Variants in FAAH2 observed in about 807,000 individuals in gnomAD.
FAAH2 encodes the protein fatty-acid amide hydrolase 2.
FAAH2 carries 60 observed loss-of-function variants against 36.9 expected under a neutral mutation model. The observed-to-expected ratio is 1.63, with a 90% confidence interval of 1.32 to 2.02. FAAH2 has a LOEUF of 2.02. Ranked by LOEUF, FAAH2 falls within the 30% of genes most tolerant of loss-of-function variation. The probability of loss-of-function intolerance (pLI) is 0.00; values close to 1 mark genes in which losing one functional copy is unlikely to be tolerated. For synonymous variants in FAAH2, 214 were observed against 143.8 expected, an observed-to-expected ratio of 1.49 and a Z score of -3.49; for missense variants, 689 against 397.5, an observed-to-expected ratio of 1.73 and a Z score of -6.23.
intron 10 of FAAH2, among the ~76,000 whole-genome samples, chrX:57,475,570 G>C (rs1213965483): frequency 9.0e-6 from 1 of 111,591 alleles, no homozygotes; most frequent in Non-Finnish European, 1.9e-5. Context: ...TTTGATACCA[G>C]TGCCATGCTG....
the FAAH2 span, among the ~76,000 whole-genome samples, chrX:57,238,823 G>A: frequency 1.8e-3 from 204 of 110,460 alleles, 5 homozygotes; most frequent in South Asian, 0.071. Context: ...GTAAACTATG[G>A]TGTCTATTGT....
the FAAH2 span, among the ~76,000 whole-genome samples, chrX:57,161,450 G>A: frequency 1.1e-4 from 12 of 111,003 alleles, no homozygotes; most frequent in South Asian, 3.9e-4. Flanking sequence ...GTCTAATGTC[G>A]ACAGTGGGGT....
At chrX:57,453,948 C>G (rs2056827116) in intron 10 of FAAH2, among the ~76,000 whole-genome samples, 1 of 111,535 alleles carries the variant, frequency 9.0e-6, no homozygotes, top group African/African-American at 3.3e-5. Flanking sequence ...TAAATGTGGT[C>G]CCTGCCTGAG....
chrX:57,360,293 G>T (rs2054257544), intron 5 of FAAH2, among the ~76,000 whole-genome samples: 1 of 110,373 alleles, frequency 9.1e-6, no homozygotes, highest in African/African-American at 3.3e-5. Context: ...TTTTTTATGG[G>T]TATTTCATAT....
chrX:57,279,245 A>G, the FAAH2 span, among the ~76,000 whole-genome samples: 3 of 112,863 alleles, frequency 2.7e-5, no homozygotes, highest in African/African-American at 6.4e-5. Context: ...AATGTGGCAC[A>G]TATACACCAT....
chrX:57,330,235 T>C (rs934704303), intron 3 of FAAH2, among the ~76,000 whole-genome samples: 1 of 111,875 alleles, frequency 8.9e-6, no homozygotes, highest in African/African-American at 3.3e-5. Context: ...ATTCTGTTTC[T>C]CAGCAAGGAA....
intron 5 of FAAH2, among the ~76,000 whole-genome samples, chrX:57,352,080 GTGTATATATATGCACATA>G (rs2054028460): frequency 1.7e-3 from 9 of 5,299 alleles, no homozygotes; most frequent in African/African-American, 4.3e-4. Context: ...ATATATATAT[GTGTATATATATGCACATA>G]TATATATATG....
At chrX:57,473,087 G>A (rs186970531) in intron 10 of FAAH2, among the ~76,000 whole-genome samples, 1 of 110,507 alleles carries the variant, frequency 9.0e-6, no homozygotes, top group Admixed American at 9.7e-5. Flanking sequence ...GATTTGGTTT[G>A]TTCATGTTTT....
At chrX:57,245,617 T>A in the FAAH2 span, among the ~76,000 whole-genome samples, 1 of 112,340 alleles carries the variant, frequency 8.9e-6, no homozygotes, top group African/African-American at 3.2e-5. Context: ...AACCTGCTTC[T>A]GAATGACTAC....
At chrX:57,159,904 C>T in the FAAH2 span, among the ~76,000 whole-genome samples, 7 of 111,679 alleles carry the variant, frequency 6.3e-5, no homozygotes, top group African/African-American at 2.0e-4. Flanking sequence ...GAGGGCATCC[C>T]TGTCTTGTTC....
the FAAH2 span, among the ~76,000 whole-genome samples, chrX:57,273,020 C>T: frequency 9.0e-6 from 1 of 111,622 alleles, no homozygotes; most frequent in Non-Finnish European, 1.9e-5. Flanking sequence ...GAAGATCTAC[C>T]TCATGTGCAA....
chrX:57,179,791 T>G, the FAAH2 span, among the ~76,000 whole-genome samples: 1 of 111,596 alleles, frequency 9.0e-6, no homozygotes, highest in Non-Finnish European at 1.9e-5. Flanking sequence ...TACAAAATTC[T>G]CCACCCAAAA....
intron 7 of FAAH2, among the ~76,000 whole-genome samples, chrX:57,381,390 C>T (rs1398440952): frequency 9.0e-6 from 1 of 111,435 alleles, no homozygotes; most frequent in Non-Finnish European, 1.9e-5. Flanking sequence ...TTAGCCTGAG[C>T]TTTATTTTAA....
At chrX:57,178,908 C>T in the FAAH2 span, among the ~76,000 whole-genome samples, 1 of 111,944 alleles carries the variant, frequency 8.9e-6, no homozygotes, top group Non-Finnish European at 1.9e-5. Flanking sequence ...TCAAGCCACA[C>T]TTCTCACAAG....
the FAAH2 span, among the ~76,000 whole-genome samples, chrX:57,276,320 A>G: frequency 1.1e-4 from 12 of 112,319 alleles, no homozygotes; most frequent in African/African-American, 3.6e-4. Flanking sequence ...CTCCTGAATG[A>G]CTACTGAGTA....
chrX:57,237,465 A>AT, the FAAH2 span, among the ~76,000 whole-genome samples: 1 of 111,305 alleles, frequency 9.0e-6, no homozygotes, highest in Admixed American at 9.6e-5. Context: ...TTTATACTAT[A>AT]TATACTATGC....
chrX:57,257,427 G>A, the FAAH2 span, among the ~76,000 whole-genome samples: 1 of 110,912 alleles, frequency 9.0e-6, no homozygotes, highest in African/African-American at 3.3e-5. Flanking sequence ...ATCATTCTCA[G>A]CAAACTATCA....
chrX:57,217,427 A>G, the FAAH2 span, among the ~76,000 whole-genome samples: 60 of 111,701 alleles, frequency 5.4e-4, 1 homozygote, highest in Admixed American at 2.8e-4. Flanking sequence ...CTTAGGTTTA[A>G]GTCTTTAATC....
At chrX:57,215,901 G>A in the FAAH2 span, among the ~76,000 whole-genome samples, 1 of 68,789 alleles carries the variant, frequency 1.5e-5, no homozygotes, top group Non-Finnish European at 2.3e-5. Flanking sequence ...AACCACCATG[G>A]CACTCATATA....
Sources: allele counts gnomAD v4.1 joint callset (sites outside exome capture counted in the v4.1 genomes callset), GRCh38; gene constraint gnomAD v4.1.1; transcripts MANE v1.5; gene names NCBI Gene and HGNC (gene_info 2026-07-23, HGNC 2026-07-21).